The following RALYL variants were observed in gnomAD, a reference collection of about 807,000 sequenced individuals.
The protein encoded by RALYL is RNA-binding Raly-like protein.
In RALYL, 29 loss-of-function variants were observed where a neutral mutation model predicts 35.1. That is an observed-to-expected ratio of 0.83 (90% confidence interval 0.61 to 1.13). The LOEUF (loss-of-function observed/expected upper bound fraction) is 1.13. Ranked by LOEUF, RALYL falls within the 50% of genes most tolerant of loss-of-function variation. The probability of loss-of-function intolerance (pLI) is 0.00; values close to 1 mark genes in which losing one functional copy is unlikely to be tolerated. For synonymous variants in RALYL, 120 were observed against 127.6 expected (o/e 0.94, Z 0.40); for missense variants, 359 against 360.4 (o/e 1.00, Z 0.03).
intron 1 of RALYL, among the ~76,000 whole-genome samples, chr8:84,316,292 G>A (rs528777385): frequency 5.8e-4 from 88 of 152,136 alleles, no homozygotes; most frequent in African/African-American, 2.1e-3. Context: ...GGAAAATTTT[G>A]TACTGGTGGT....
rs112126224 is a variant in RALYL, at chr8:84,598,495, G to A, written c.256+68918G>A. On this transcript the variant is annotated intron_variant, in intron 2 of 8. Transcript: ENST00000521268. ...ATTTTATGAATATCGATTTGTGCTT[G>A]TGTCTAAACTGCAAGCTCTGGATTT... Among the ~76,000 whole-genome samples the A allele has an allele frequency of 8.3e-3, 1,259 of 152,184 alleles. 16 individuals are homozygous for A. Among genetic ancestry groups the A allele is most frequent in the African/African-American group, 0.028 (1,172 of 41,528 alleles).
At chr8:84,817,741 C>T (rs768665797) in intron 4 of RALYL, among the ~76,000 whole-genome samples, 8 of 151,550 alleles carry the variant, frequency 5.3e-5, no homozygotes, top group East Asian at 3.9e-4. Flanking sequence ...TTTCTAGAAA[C>T]GGGGGGTCTC....
intron 1 of RALYL, among the ~76,000 whole-genome samples, chr8:84,193,156 A>AC (rs1814401038): frequency 6.6e-6 from 1 of 152,116 alleles, no homozygotes; most frequent in South Asian, 2.1e-4. Context: ...AGATATGGAG[A>AC]CAAAAAAAAT....
At position 84,516,420 on chromosome 8, in the gene RALYL, C is replaced by G. The variant is rs574353066; in HGVS notation, c.-23-12879C>G. Among the ~76,000 whole-genome samples the G allele has an allele frequency of 1.4e-3, 196 of 141,256 alleles. 1 individual carries two copies. The highest frequency in any genetic ancestry group is 1.6e-4 in the Non-Finnish European group (10 of 62,882). The allele number at this position is 141,256 out of a possible 152,430, so 92.7% of individuals were successfully genotyped here. A position where few individuals can be genotyped will look rare whatever the true frequency, so the allele number is the denominator to read the frequency against. On this transcript the variant is annotated intron_variant, in intron 1 of 8. Coordinates refer to ENST00000521268, the MANE Select transcript of RALYL (RefSeq NM_173848.7). ...TAAATTTCATAAATGAAACCCTAGT[C>G]TGAAGAAGCTACTTTGTGGCTCGTT...
At chr8:84,736,176 A>G (rs988650658) in intron 2 of RALYL, among the ~76,000 whole-genome samples, 1 of 152,152 alleles carries the variant, frequency 6.6e-6, no homozygotes, top group Non-Finnish European at 1.5e-5. Context: ...CAGTAAATAT[A>G]TTCATATACT....
chr8:84,427,849 G>C (rs1159685067), intron 1 of RALYL, among the ~76,000 whole-genome samples: 2 of 152,114 alleles, frequency 1.3e-5, no homozygotes, highest in African/African-American at 4.8e-5. Flanking sequence ...CTCCTCACCT[G>C]TGTTGACTGT....
intron 1 of RALYL, among the ~76,000 whole-genome samples, chr8:84,266,094 C>T (rs545436543): frequency 6.6e-6 from 1 of 152,168 alleles, no homozygotes; most frequent in African/African-American, 2.4e-5. Flanking sequence ...ACTCTGCAGC[C>T]TGGTTTCAAC....
chr8:84,250,979 T>C (rs1305113427), intron 1 of RALYL, among the ~76,000 whole-genome samples: 2 of 152,170 alleles, frequency 1.3e-5, no homozygotes, highest in African/African-American at 4.8e-5. Flanking sequence ...TGCACAGTTA[T>C]TTGTTCCCAA....
chr8:84,686,398 G>A (rs892138978), intron 2 of RALYL, among the ~76,000 whole-genome samples: 1 of 148,750 alleles, frequency 6.7e-6, no homozygotes, highest in African/African-American at 2.6e-5. Context: ...ACATCATATT[G>A]TTTGTTTGTT....
intron 1 of RALYL, among the ~76,000 whole-genome samples, chr8:84,318,766 G>GT (rs1359930702): frequency 1.3e-5 from 2 of 152,138 alleles, no homozygotes; most frequent in African/African-American, 4.8e-5. Context: ...GACAAATGTA[G>GT]TTTTTGTCAT....
chr8:84,799,728 A>G (rs1266349303), intron 3 of RALYL, among the ~76,000 whole-genome samples: 2 of 152,168 alleles, frequency 1.3e-5, no homozygotes, highest in African/African-American at 4.8e-5. Context: ...AGGCCGAGGC[A>G]GGCGGATCAC....
intron 1 of RALYL, among the ~76,000 whole-genome samples, chr8:84,510,076 A>C (rs1239458167): frequency 1.3e-5 from 2 of 152,176 alleles, no homozygotes; most frequent in Admixed American, 1.3e-4. Context: ...GATTGCATTG[A>C]ATCTATGGAT....
chr8:84,356,707 A>G (rs1045064012), intron 1 of RALYL, among the ~76,000 whole-genome samples: 3 of 150,366 alleles, frequency 2.0e-5, no homozygotes, highest in Non-Finnish European at 3.0e-5. Flanking sequence ...TCTCAACTCT[A>G]TTAGACACCA....
rs1554614840 is a variant in RALYL, at chr8:84,311,090, A to AAAAAAATATAT, written c.-24+126667_-24+126668insAAAAATATATA. Among the ~76,000 whole-genome samples, 8 of 99,770 alleles carry AAAAAAATATAT rather than the reference A, an allele frequency of 8.0e-5. 1 individual carries two copies. Among genetic ancestry groups the AAAAAAATATAT allele is most frequent in the East Asian group, 7.0e-4 (2 of 2,856 alleles). The allele number at this position is 99,770 out of a possible 152,430, so 65.5% of individuals were successfully genotyped here. A position where few individuals can be genotyped will look rare whatever the true frequency, so the allele number is the denominator to read the frequency against. On this transcript the variant is annotated intron_variant, in intron 1 of 8. Transcript: ENST00000521268. ...AAAAAAAAAAAAAAAAAAAAAAAAA[A>AAAAAAATATAT]ATGTATATTAATGTATAGTATAAAT...
At chr8:84,434,806 G>A (rs965360797) in intron 1 of RALYL, among the ~76,000 whole-genome samples, 1 of 151,924 alleles carries the variant, frequency 6.6e-6, no homozygotes, top group African/African-American at 2.4e-5. Context: ...CACCATGTCT[G>A]GCAAATTAAA....
At chr8:84,378,223 G>A (rs57911943) in intron 1 of RALYL, among the ~76,000 whole-genome samples, 4,484 of 151,930 alleles carry the variant, frequency 0.03, 214 homozygotes, top group African/African-American at 0.1. Context: ...TTTAATGTGT[G>A]CCAATAAAGT....
At chr8:84,597,744 CA>C (rs1814920527) in intron 2 of RALYL, among the ~76,000 whole-genome samples, 1 of 152,110 alleles carries the variant, frequency 6.6e-6, no homozygotes, top group African/African-American at 2.4e-5. Context: ...ATTTAAATTT[CA>C]GTGTCCATAA....
At chr8:84,441,636 G>A (rs1015044366) in intron 1 of RALYL, among the ~76,000 whole-genome samples, 5 of 152,040 alleles carry the variant, frequency 3.3e-5, no homozygotes, top group South Asian at 2.1e-4. Flanking sequence ...GTGAACTGTC[G>A]GAGCTAGAAG....
chr8:84,812,510 T>A (rs1826140300), intron 4 of RALYL, among the ~76,000 whole-genome samples: 1 of 152,242 alleles, frequency 6.6e-6, no homozygotes, highest in East Asian at 1.9e-4. Context: ...ATATGCCCTT[T>A]GTCTTCAGCT....
Sources: allele counts gnomAD v4.1 joint callset (sites outside exome capture counted in the v4.1 genomes callset), GRCh38; gene constraint gnomAD v4.1.1; transcripts MANE v1.5; gene names NCBI Gene and HGNC (gene_info 2026-07-23, HGNC 2026-07-21).